ATG16L2: variants seen among roughly 807,000 people sequenced by gnomAD.
ATG16L2 encodes the protein protein Atg16l2.
ATG16L2 carries 77 observed loss-of-function variants against 84.7 expected under a neutral mutation model. That is an observed-to-expected ratio of 0.91 (90% CI 0.76 to 1.10). The LOEUF is 1.10. Among genes scored for constraint, ATG16L2 ranks in the 50% least tolerant of loss-of-function variants. The probability of loss-of-function intolerance (pLI) is 0.00; values close to 1 mark genes in which losing one functional copy is unlikely to be tolerated. For missense variants in ATG16L2, 782 were observed against 817.6 expected, an observed-to-expected ratio of 0.96 and a Z score of 0.53; for synonymous variants, 361 against 342.8, an observed-to-expected ratio of 1.05 and a Z score of -0.59.
intron 5 of ATG16L2, chr11:72,841,669 C>G: frequency 5.9e-6 from 8 of 1,345,930 alleles, no homozygotes; most frequent in Non-Finnish European, 7.9e-6. Context: ...GTACTCATGC[C>G]TTTTCTCTAA....
chr11:72,831,568 T>C (rs1860607325), downstream of ATG16L2, among the ~76,000 whole-genome samples: 1 of 152,164 alleles, frequency 6.6e-6, no homozygotes, highest in Admixed American at 6.5e-5. Flanking sequence ...AGCCTTGGGC[T>C]CCAACATTCT....
At chr11:72,820,913 G>A (rs954873199) in intron 3 of ATG16L2, among the ~76,000 whole-genome samples, 6 of 152,208 alleles carry the variant, frequency 3.9e-5, no homozygotes, top group Non-Finnish European at 8.8e-5. Flanking sequence ...TGGGCTGCCA[G>A]CGCTGTTCCC....
At chr11:72,823,467 C>T (rs1480188248) in intron 7 of ATG16L2, 2 of 362,550 alleles carry the variant, frequency 5.5e-6, no homozygotes, top group East Asian at 7.3e-5. Flanking sequence ...GCAGGGTCTC[C>T]TCCATCCTTC....
chr11:72,829,869 G>C (rs1375948458), downstream of ATG16L2, among the ~76,000 whole-genome samples: 2 of 152,176 alleles, frequency 1.3e-5, no homozygotes, highest in Non-Finnish European at 2.9e-5. Context: ...CTGGTCCTGA[G>C]GCCAAAGCAA....
chr11:72,838,887 C>A, intron 5 of ATG16L2: 1 of 1,600,454 alleles, frequency 6.2e-7, no homozygotes. Flanking sequence ...GAGCAGGAAA[C>A]AATTACGTAG....
chr11:72,841,984 G>T (rs1260613309), intron 5 of ATG16L2, among the ~76,000 whole-genome samples: 1 of 152,228 alleles, frequency 6.6e-6, no homozygotes, highest in Non-Finnish European at 1.5e-5. Flanking sequence ...CAGGTTTTGT[G>T]CATGTTAGGC....
At chr11:72,838,604 C>T in intron 5 of ATG16L2, 1 of 482,616 alleles carries the variant, frequency 2.1e-6, no homozygotes, top group East Asian at 3.6e-5. Context: ...AAAATGACAA[C>T]AAAAAAAAAA....
Position 72,822,920 on chromosome 11 carries a change from C to G in ATG16L2, c.783C>G (p.Pro261=). The G allele has an allele frequency of 6.3e-7, 1 of 1,579,046 alleles. No homozygotes were observed. The highest frequency in any genetic ancestry group is 8.6e-7 in the Non-Finnish European group (1 of 1,162,152). ...TGGCTCTGGCCCCTGAGCCAGAGCC[C>G]CTGGAGAAGGAAGCTTGTGAGAAGT... ...ETLALAPEPE[P]LEKEACEKWK... Residue 261 remains proline, a synonymous_variant, in exon 7 of 18, where the codon CCC becomes CCG. Coordinates refer to ENST00000321297, the MANE Select transcript of ATG16L2 (RefSeq NM_033388.2). This position sits in a 1 kb window ranked among gnomAD's most constrained non-coding sequence, Gnocchi z 4.2.
chr11:72,829,903 G>A (rs1565274460), downstream of ATG16L2, among the ~76,000 whole-genome samples: 2 of 152,202 alleles, frequency 1.3e-5, no homozygotes, highest in Non-Finnish European at 2.9e-5. Flanking sequence ...CCTGCTTCAG[G>A]CACTCAGGGT....
Position 72,822,677 on chromosome 11 carries a change from C to T in ATG16L2, c.710+134C>T. On this transcript the variant is annotated intron_variant, in intron 6 of 17. Transcript: ENST00000321297. The surrounding 1 kb of genome is among the most constrained non-coding windows in gnomAD (Gnocchi z 4.2). The stretch of plus-strand genomic sequence containing the variant: ...CCCCATGTGGTCGGAGCCCACGAGA[C>T]ACCTGCAGAGGACCGTGTGGTCGTA... The T allele has an allele frequency of 8.1e-7, 1 of 1,234,432 alleles. No homozygotes were observed. Among genetic ancestry groups the T allele is most frequent in the South Asian group, 1.4e-5 (1 of 72,092 alleles). 76.5% of individuals were successfully genotyped at this position (1,234,432 alleles called of 1,614,324 possible).
At chr11:72,821,822 G>A in intron 4 of ATG16L2, 81 bp downstream of exon 4, 1 of 1,489,470 alleles carries the variant, frequency 6.7e-7, no homozygotes, top group Non-Finnish European at 8.9e-7. Flanking sequence ...CGGGGGGAAT[G>A]GCGCGGGCCG....
intron 5 of ATG16L2, among the ~76,000 whole-genome samples, chr11:72,840,250 A>AG (rs1299962065): frequency 6.6e-5 from 10 of 152,354 alleles, no homozygotes; most frequent in Non-Finnish European, 1.3e-4. Context: ...GTCCTTAAGA[A>AG]GGCACTCAAT....
chr11:72,843,563 A>G, exon 6 of ATG16L2: 1 of 1,541,548 alleles, frequency 6.5e-7, no homozygotes, highest in Non-Finnish European at 9.0e-7. Flanking sequence ...GGACAAAATT[A>G]AAAAGGTTAG....
intron 5 of ATG16L2, chr11:72,838,604 CA>C (rs113447165): frequency 0.019 from 8,524 of 452,348 alleles, no homozygotes; most frequent in South Asian, 0.027. Flanking sequence ...AAAATGACAA[CA>C]AAAAAAAAAG....
In ATG16L2 at chr11:72,827,359, C is replaced by T. The variant is rs1860423953; in HGVS notation, c.1472+66C>T. On this transcript the variant is annotated intron_variant, in intron 14 of 17. Transcript: ENST00000321297. ...GGACAGGGCTCCCAAGTTCTTGTTC[C>T]TTTCTCTGGCCATGGCAGGAGGAGT... 6 of 1,349,418 alleles carry T rather than the reference C, an allele frequency of 4.4e-6. No homozygotes were observed. The East Asian group carries it at 1.4e-4, about 31-fold the overall frequency. The allele number at this position is 1,349,418 out of a possible 1,614,324, so 83.6% of individuals were successfully genotyped here.
chr11:72,828,520 A>T lies in ATG16L2; in HGVS notation c.1622+12A>T. ...CGCCAGGTGTTCAGGTACCAGCCTC[A>T]TGCCTGCTGACCCTGTGGCCTTTGC... On this transcript the variant is annotated intron_variant, in intron 15 of 17. Transcript: ENST00000321297. The T allele has an allele frequency of 6.2e-7, 1 of 1,613,732 alleles. No homozygotes were observed. The highest frequency in any genetic ancestry group is 8.5e-7 in the Non-Finnish European group (1 of 1,179,650).
chr11:72,832,158 C>T (rs1359350236), downstream of ATG16L2, among the ~76,000 whole-genome samples: 1 of 152,222 alleles, frequency 6.6e-6, no homozygotes, highest in Non-Finnish European at 1.5e-5. Flanking sequence ...GTTTCTCCCT[C>T]ATTTCACAGG....
At chr11:72,835,373 G>GAGGCAGGAGAGGTGGTGGTGAGAAA (rs1187006748) in intron 5 of ATG16L2, among the ~76,000 whole-genome samples, 1 of 152,170 alleles carries the variant, frequency 6.6e-6, no homozygotes, top group Non-Finnish European at 1.5e-5. Flanking sequence ...ACACTGAGAA[G>GAGGCAGGAGAGGTGGTGGTGAGAAA]AGGCAGGAGA....
At chr11:72,843,338 A>C in exon 6 of ATG16L2, 1 of 1,610,290 alleles carries the variant, frequency 6.2e-7, no homozygotes, top group Non-Finnish European at 8.5e-7. Context: ...CCTGGGTAAA[A>C]GACATGTGAC....
Sources: allele counts gnomAD v4.1 joint callset (sites outside exome capture counted in the v4.1 genomes callset), GRCh38; gene constraint gnomAD v4.1.1; non-coding constraint Gnocchi (gnomAD v3.1); transcripts MANE v1.5; gene names NCBI Gene and HGNC (gene_info 2026-07-23, HGNC 2026-07-21).